TNNT2: variants seen among roughly 807,000 people sequenced by gnomAD.
TNNT2 encodes the protein troponin T, cardiac muscle.
In TNNT2, 34 loss-of-function variants were observed where a neutral mutation model predicts 62.4. The ratio of observed to expected loss-of-function variants is 0.54; its 90% CI spans 0.41 to 0.72. The LOEUF is 0.72. Among genes scored for constraint, TNNT2 ranks in the 30% least tolerant of loss-of-function variants. The probability of loss-of-function intolerance (pLI) is 0.00; values close to 1 mark genes in which losing one functional copy is unlikely to be tolerated. For missense variants in TNNT2, 275 were observed against 381.9 expected (o/e 0.72, Z 2.33); for synonymous variants, 123 against 127.2 (o/e 0.97, Z 0.22).
intron 14 of TNNT2, 77 bp from the exon 15 acceptor site, chr1:201,361,446 G>T: frequency 2.2e-6 from 3 of 1,356,588 alleles, no homozygotes; most frequent in Middle Eastern, 3.8e-4. Flanking sequence ...TCCCGGCCCA[G>T]CCCCCAGCAT....
chr1:201,369,762 T>C, intron 5 of TNNT2, 54 bp downstream of exon 5: 1 of 1,612,876 alleles, frequency 6.2e-7, no homozygotes, highest in Non-Finnish European at 8.5e-7. Flanking sequence ...ACAAGGAGGC[T>C]GCACTTGGGA....
At chr1:201,372,381 C>T (rs546152276) in intron 2 of TNNT2, among the ~76,000 whole-genome samples, 5 of 152,302 alleles carry the variant, frequency 3.3e-5, no homozygotes, top group African/African-American at 9.6e-5. Context: ...CGCAAGCCTC[C>T]GCCCCAGCCA....
intron 15 of TNNT2, among the ~76,000 whole-genome samples, chr1:201,360,189 C>A (rs191823884): frequency 6.6e-6 from 1 of 152,296 alleles, no homozygotes; most frequent in African/African-American, 2.4e-5. Context: ...AGGCACAGGA[C>A]TAGAGAGGCC....
chr1:201,365,272 A>C lies in TNNT2; in HGVS notation c.330T>G (p.Asn110Lys), dbSNP rs1571627612. The change falls in exon 10 of 17, where the codon AAT (asparagine) becomes AAG (lysine). Residue 110 changes from asparagine (N) to lysine (K), a missense_variant. Transcript: ENST00000656932. ...IHRKRMEKDL[N>K]ELQALIEAHF... ...GAGCCTCGATCAGCGCCTGCAACTCATTCAGGTCCTTCTCCATGCGCTTCC... is the reference window on the plus strand; with the variant it reads ...GAGCCTCGATCAGCGCCTGCAACTCCTTCAGGTCCTTCTCCATGCGCTTCC... 6.2e-7 allele frequency: 1 copy of C among 1,614,008 alleles called. No individual in the cohort carries two copies.
intron 12 of TNNT2, 75 bp downstream of exon 12, chr1:201,363,221 A>T (rs895777196): frequency 1.2e-6 from 2 of 1,611,590 alleles, no homozygotes; most frequent in Non-Finnish European, 1.7e-6. Flanking sequence ...CCTAAAGTCT[A>T]CCTGCTGCAG....
chr1:201,366,125 C>T (rs1659610128), intron 8 of TNNT2: 1 of 1,080,250 alleles, frequency 9.3e-7, no homozygotes, highest in Admixed American at 4.6e-5. Flanking sequence ...AGGGGGTTCT[C>T]TGATTCTTCA....
intron 16 of TNNT2, 33 bp downstream of exon 16, chr1:201,359,590 G>T (rs575803809): frequency 6.3e-7 from 1 of 1,590,008 alleles, no homozygotes; most frequent in Non-Finnish European, 8.6e-7. Flanking sequence ...GGGGCAGGGG[G>T]AGGGCTAGGC....
chr1:201,359,601 G>C (rs45495692), intron 16 of TNNT2, 22 bp downstream of exon 16: 69 of 1,596,268 alleles, frequency 4.3e-5, no homozygotes, highest in Non-Finnish European at 5.9e-5. Context: ...AGGGCTAGGC[G>C]AGAATGACCT....
intron 1 of TNNT2, among the ~76,000 whole-genome samples, chr1:201,376,003 AGGACCTGATGCAGG>A (rs559508889): frequency 3.3e-5 from 5 of 152,350 alleles, no homozygotes; most frequent in Non-Finnish European, 4.4e-5. Context: ...GCTCAAAGGC[AGGACCTGATGCAGG>A]GGAAAGAGGT....
chr1:201,361,437 C>A lies in TNNT2; in HGVS notation c.720-68G>T, dbSNP rs1250544041. The A allele has an allele frequency of 3.6e-6, 5 of 1,397,628 alleles. No homozygotes were observed. In the East Asian group the frequency reaches 9.1e-5, roughly 25 times the overall value. 86.6% of individuals were successfully genotyped at this position (1,397,628 alleles called of 1,614,324 possible). A position where few individuals can be genotyped will look rare whatever the true frequency, so the allele number is the denominator to read the frequency against. On this transcript the variant is annotated intron_variant, in intron 14 of 16. Coordinates refer to ENST00000656932, the MANE Select transcript of TNNT2 (RefSeq NM_001276345.2). ...GGCCCTCCTGGGCCTCCGTCCTGGT[C>A]CCGGCCCAGCCCCCAGCATCCCAGC...
intron 15 of TNNT2, chr1:201,360,886 C>T: frequency 2.8e-6 from 1 of 352,762 alleles, no homozygotes; most frequent in Non-Finnish European, 5.5e-6. Context: ...TGTGCCCACA[C>T]CAGGACCTTG....
intron 12 of TNNT2, among the ~76,000 whole-genome samples, chr1:201,362,620 C>T (rs1350518453): frequency 2.0e-5 from 3 of 152,144 alleles, no homozygotes; most frequent in African/African-American, 7.2e-5. Context: ...GTGTGGTCAC[C>T]ATGGGGGCAG....
At chr1:201,363,219 C>T in intron 12 of TNNT2, 77 bp downstream of exon 12, 1 of 1,611,726 alleles carries the variant, frequency 6.2e-7, no homozygotes, top group Non-Finnish European at 8.5e-7. Flanking sequence ...GACCTAAAGT[C>T]TACCTGCTGC....
chr1:201,365,075 C>G (rs1265612552), intron 10 of TNNT2, 116 bp downstream of exon 10: 2 of 863,292 alleles, frequency 2.3e-6, no homozygotes, highest in African/African-American at 1.6e-5. Context: ...AGACCTCACA[C>G]CTAGCTGGGT....
rs775895925 is a variant in TNNT2 at position 201,368,231 on chromosome 1, G to C, written c.98-4C>G. ...TCTTCCGCTGCCTCCTCCTGCTCTG[G>C]AGAAGTGAAGCAGACAGAGTGAAGA... On this transcript the variant is annotated splice_polypyrimidine_tract_variant and splice_region_variant and intron_variant, in intron 5 of 16. Transcript: ENST00000656932. The C allele has an allele frequency of 1.2e-6, 2 of 1,614,020 alleles. No homozygotes were observed. The highest frequency in any genetic ancestry group is 1.7e-6 in the Non-Finnish European group (2 of 1,179,996).
At chr1:201,363,030 G>T in intron 12 of TNNT2, 2 of 832,608 alleles carry the variant, frequency 2.4e-6, no homozygotes, top group Non-Finnish European at 2.9e-6. Context: ...GGGCTCCTGA[G>T]CACTGCTGGA....
At chr1:201,363,236 CA>C in intron 12 of TNNT2, 59 bp downstream of exon 12, 1 of 1,612,286 alleles carries the variant, frequency 6.2e-7, no homozygotes, top group Non-Finnish European at 8.5e-7. Flanking sequence ...CTGCAGTGGA[CA>C]CCTCATTCCT....
rs752261379 is a variant in TNNT2 at position 201,372,057 on chromosome 1, G to A, written c.53-16C>T. On this transcript the variant is annotated splice_polypyrimidine_tract_variant and intron_variant, in intron 3 of 16. Coordinates refer to ENST00000656932, the MANE Select transcript of TNNT2 (RefSeq NM_001276345.2). The stretch of plus-strand genomic sequence containing the variant: ...ACAGCTGCTTCTGCTCAGAAGAGAA[G>A]TCCAGGCAGCAAGAGAAGAGAGAAG... 12 of 1,613,938 alleles carry A rather than the reference G, an allele frequency of 7.4e-6. No individual in the cohort carries two copies. Among genetic ancestry groups the A allele is most frequent in the Non-Finnish European group, 9.3e-6 (11 of 1,179,958 alleles).
intron 2 of TNNT2, chr1:201,373,006 G>A (rs990596412): frequency 2.2e-5 from 15 of 694,590 alleles, no homozygotes; most frequent in South Asian, 2.9e-5. Context: ...TGTGCTTCCC[G>A]AAGTCTCTCG....
Sources: gnomAD v4.1 joint callset for allele counts (sites outside exome capture counted in the v4.1 genomes callset) on GRCh38, gnomAD v4.1.1 for gene constraint, MANE v1.5 for transcripts, NCBI Gene and HGNC (gene_info 2026-07-23, HGNC 2026-07-21) for gene names.